GALNT17: variants seen among roughly 807,000 people sequenced by gnomAD.
GALNT17 encodes the protein UDP-GalNAc:polypeptide N-acetylgalactosaminyltransferase-like 3.
In GALNT17, 29 loss-of-function variants were observed where a neutral mutation model predicts 63.7. The ratio of observed to expected loss-of-function variants is 0.46; its 90% CI spans 0.34 to 0.62. GALNT17 has a LOEUF of 0.62. GALNT17 is among the 20% of genes least tolerant of loss of function. The pLI is 0.01. For missense variants in GALNT17, 603 were observed against 799.6 expected (o/e 0.75, Z 2.97); for synonymous variants, 305 against 318.3 (o/e 0.96, Z 0.45).
At chr7:71,144,919 G>A (rs928224620) in intron 1 of GALNT17, among the ~76,000 whole-genome samples, 5 of 152,104 alleles carry the variant, frequency 3.3e-5, no homozygotes, top group African/African-American at 9.7e-5. Context: ...TAGTAGAGAT[G>A]GGGTTTCACC....
chr7:71,491,937 C>T (rs1039625660), intron 5 of GALNT17, among the ~76,000 whole-genome samples: 1 of 152,004 alleles, frequency 6.6e-6, no homozygotes, highest in Non-Finnish European at 1.5e-5. Context: ...GGGAGGATCG[C>T]TTGAGCCCAG....
chr7:71,410,145 A>G (rs1793403961), intron 3 of GALNT17, among the ~76,000 whole-genome samples: 1 of 152,176 alleles, frequency 6.6e-6, no homozygotes, highest in African/African-American at 2.4e-5. Flanking sequence ...TTCTAGGACA[A>G]TAGGCACTAA....
intron 1 of GALNT17, among the ~76,000 whole-genome samples, chr7:71,303,908 G>T (rs955651513): frequency 1.3e-5 from 2 of 152,136 alleles, no homozygotes; most frequent in Non-Finnish European, 2.9e-5. Flanking sequence ...CAGCTGTAAG[G>T]CAAGTATTTT....
At chr7:71,540,317 A>G (rs1788868677) in intron 5 of GALNT17, among the ~76,000 whole-genome samples, 1 of 147,468 alleles carries the variant, frequency 6.8e-6, no homozygotes, top group East Asian at 2.0e-4. Context: ...GGATTTCACT[A>G]TGTTGGCCAG....
chr7:71,401,262 A>G (rs913255053), intron 3 of GALNT17, among the ~76,000 whole-genome samples: 7 of 151,824 alleles, frequency 4.6e-5, no homozygotes, highest in African/African-American at 1.7e-4. Context: ...ACACCTGGCT[A>G]ATTTTAATAT....
intron 1 of GALNT17, among the ~76,000 whole-genome samples, chr7:71,334,836 G>C (rs1791869741): frequency 3.3e-5 from 5 of 152,136 alleles, no homozygotes; most frequent in Admixed American, 3.3e-4. Context: ...GTGTCAGAAT[G>C]TTGGACCCTT....
At chr7:71,153,092 G>A (rs1788163091) in intron 1 of GALNT17, among the ~76,000 whole-genome samples, 2 of 152,142 alleles carry the variant, frequency 1.3e-5, no homozygotes, top group South Asian at 2.1e-4. Context: ...ATCTCCAGGG[G>A]TTTCAGACAA....
intron 1 of GALNT17, among the ~76,000 whole-genome samples, chr7:71,287,733 C>T (rs1790900407): frequency 6.6e-6 from 1 of 152,132 alleles, no homozygotes; most frequent in Admixed American, 6.5e-5. Context: ...AAGAAGGCTA[C>T]AGAAAATGAA....
intron 6 of GALNT17, among the ~76,000 whole-genome samples, chr7:71,587,317 C>T (rs1006830257): frequency 6.6e-5 from 10 of 152,242 alleles, no homozygotes; most frequent in South Asian, 6.2e-4. Flanking sequence ...TGTGAGCCAC[C>T]GCACCCAGCC....
At chr7:71,359,878 G>T (rs190236618) in intron 2 of GALNT17, among the ~76,000 whole-genome samples, 2 of 152,230 alleles carry the variant, frequency 1.3e-5, no homozygotes, top group Admixed American at 6.5e-5. Flanking sequence ...CCAATCCAGG[G>T]TTGATTTCCG....
intron 1 of GALNT17, among the ~76,000 whole-genome samples, chr7:71,150,033 C>T (rs578086797): frequency 1.8e-4 from 28 of 152,234 alleles, no homozygotes; most frequent in African/African-American, 4.8e-4. Context: ...CTTAGGCACA[C>T]GCTTCTCGGA....
chr7:71,600,489 G>A (rs1267090742), intron 6 of GALNT17, among the ~76,000 whole-genome samples: 3 of 152,050 alleles, frequency 2.0e-5, no homozygotes, highest in African/African-American at 7.2e-5. Context: ...CCACGTGCCC[G>A]GTACCGTGCC....
intron 6 of GALNT17, among the ~76,000 whole-genome samples, chr7:71,653,700 C>T (rs991254592): frequency 6.6e-6 from 1 of 152,212 alleles, no homozygotes. Flanking sequence ...AGCCACCACG[C>T]CCAGCCAAAA....
chr7:71,546,842 C>A (rs1265715237), intron 5 of GALNT17, among the ~76,000 whole-genome samples: 1 of 152,150 alleles, frequency 6.6e-6, no homozygotes, highest in Non-Finnish European at 1.5e-5. Flanking sequence ...TACCACTGGG[C>A]AAGGGCACCA....
intron 5 of GALNT17, among the ~76,000 whole-genome samples, chr7:71,429,579 G>T (rs1786822143): frequency 1.3e-5 from 2 of 152,190 alleles, no homozygotes. Flanking sequence ...ATCTCACTCT[G>T]TTGCCCAGGC....
chr7:71,567,467 G>C (rs989804576), intron 5 of GALNT17, among the ~76,000 whole-genome samples: 1 of 151,898 alleles, frequency 6.6e-6, no homozygotes, highest in African/African-American at 2.4e-5. Flanking sequence ...AGATTTTTTT[G>C]TTTGTTTGTT....
At chr7:71,208,390 C>T (rs1162854368) in intron 1 of GALNT17, among the ~76,000 whole-genome samples, 3 of 151,892 alleles carry the variant, frequency 2.0e-5, no homozygotes, top group African/African-American at 4.8e-5. Context: ...AGACAAATAC[C>T]CTCCCAGAAA....
chr7:71,581,060 C>T (rs932653066), intron 6 of GALNT17, among the ~76,000 whole-genome samples: 9 of 152,160 alleles, frequency 5.9e-5, no homozygotes, highest in Admixed American at 2.6e-4. Context: ...CCTCAGGAAA[C>T]GTACAATCAT....
chr7:71,587,792 A>G (rs1215725711), intron 6 of GALNT17, among the ~76,000 whole-genome samples: 1 of 152,220 alleles, frequency 6.6e-6, no homozygotes, highest in Non-Finnish European at 1.5e-5. Context: ...TTAAAAAATG[A>G]ATAGCCAAGC....
Sources: gnomAD v4.1 joint callset for allele counts (sites outside exome capture counted in the v4.1 genomes callset) on GRCh38, gnomAD v4.1.1 for gene constraint, MANE v1.5 for transcripts, NCBI Gene and HGNC (gene_info 2026-07-23, HGNC 2026-07-21) for gene names.